Variants in CAPZB observed in about 807,000 individuals in gnomAD.
CAPZB encodes capping actin protein of muscle Z-line subunit beta.
In CAPZB, 2 loss-of-function variants were observed where a neutral mutation model predicts 38.1. That is an observed-to-expected ratio of 0.05 (90% CI 0.02 to 0.17). The LOEUF (loss-of-function observed/expected upper bound fraction) is 0.17. Among genes scored for constraint, CAPZB ranks in the 10% least tolerant of loss-of-function variants. The pLI is 1.00. For missense variants in CAPZB, 161 were observed against 334.2 expected (o/e 0.48, Z 4.04); for synonymous variants, 107 against 127.4 (o/e 0.84, Z 1.08).
intron 2 of CAPZB, among the ~76,000 whole-genome samples, chr1:19,416,635 G>A (rs1279595635): frequency 1.3e-5 from 2 of 152,034 alleles, no homozygotes; most frequent in African/African-American, 2.4e-5. Context: ...AGGATTGCCT[G>A]AGGTCAGCAG....
In CAPZB at chr1:19,360,286, T is replaced by A. The variant is rs192782745; in HGVS notation, c.330-2723A>T. On this transcript the variant is annotated intron_variant, in intron 4 of 8. Coordinates refer to ENST00000264202, the MANE Select transcript of CAPZB (RefSeq NM_004930.5). ...TCTAGCACACCGTTTTCCCTTTCAG[T>A]CGGCTTACAGGGAGAGCAGCCCCAC... 3.1e-3 allele frequency among the ~76,000 whole-genome samples: 468 copies of A among 152,292 alleles called. 2 individuals carry two copies. Among genetic ancestry groups the A allele is most frequent in the South Asian group, 0.026 (125 of 4,830 alleles).
At chr1:19,482,048 C>T (rs2094631108) in intron 1 of CAPZB, among the ~76,000 whole-genome samples, 1 of 152,200 alleles carries the variant, frequency 6.6e-6, no homozygotes, top group Non-Finnish European at 1.5e-5. Context: ...ATAAGCATTT[C>T]CCAGCCTGGA....
intron 1 of CAPZB, among the ~76,000 whole-genome samples, chr1:19,426,225 A>G (rs758531614): frequency 1.8e-4 from 27 of 152,326 alleles, no homozygotes; most frequent in Non-Finnish European, 3.5e-4. Context: ...GCTCCTGTCC[A>G]GTTTATAGGT....
chr1:19,459,457 G>A (rs952018526), intron 1 of CAPZB, among the ~76,000 whole-genome samples: 1 of 152,180 alleles, frequency 6.6e-6, no homozygotes, highest in Non-Finnish European at 1.5e-5. Flanking sequence ...AGAGAAAATA[G>A]GAGACCTGCT....
At chr1:19,471,253 G>C (rs1014609207) in intron 1 of CAPZB, among the ~76,000 whole-genome samples, 6 of 152,160 alleles carry the variant, frequency 3.9e-5, no homozygotes, top group Admixed American at 3.3e-4. Flanking sequence ...TATGGAAAAA[G>C]GGGGGATGAT....
At chr1:19,478,735 T>C (rs530654681) in intron 1 of CAPZB, among the ~76,000 whole-genome samples, 1 of 152,130 alleles carries the variant, frequency 6.6e-6, no homozygotes, top group Non-Finnish European at 1.5e-5. Context: ...TTCTATTAGG[T>C]CTACCTGACT....
At chr1:19,378,921 CTT>C (rs1176806123) in intron 3 of CAPZB, among the ~76,000 whole-genome samples, 8 of 152,160 alleles carry the variant, frequency 5.3e-5, no homozygotes, top group Non-Finnish European at 1.0e-4. Context: ...CTGAGCCTCA[CTT>C]TTCTCCTGCG....
intron 1 of CAPZB, among the ~76,000 whole-genome samples, chr1:19,481,295 T>C (rs1375047476): frequency 6.6e-6 from 1 of 152,164 alleles, no homozygotes; most frequent in Non-Finnish European, 1.5e-5. Context: ...CCAATATGGG[T>C]GATCTTGCAG....
At chr1:19,390,572 C>T (rs2094228023) in intron 2 of CAPZB, among the ~76,000 whole-genome samples, 1 of 152,178 alleles carries the variant, frequency 6.6e-6, no homozygotes, top group Non-Finnish European at 1.5e-5. Flanking sequence ...CAGGGCTCCA[C>T]CAGTTCCTCT....
chr1:19,361,445 G>T (rs2094052090), intron 4 of CAPZB, among the ~76,000 whole-genome samples: 1 of 152,246 alleles, frequency 6.6e-6, no homozygotes, highest in African/African-American at 2.4e-5. Context: ...AGGACTGCAT[G>T]GTTAGAAAGG....
chr1:19,465,653 GC>G (rs1225301790), intron 1 of CAPZB, among the ~76,000 whole-genome samples: 1 of 152,144 alleles, frequency 6.6e-6, no homozygotes, highest in African/African-American at 2.4e-5. Context: ...AGGGATATAG[GC>G]ACCAAAAGCT....
chr1:19,344,366 A>G lies in CAPZB; in HGVS notation c.723T>C (p.Asn241=), dbSNP rs746466989. Residue 241 remains asparagine, a synonymous_variant, in exon 8 of 9, where the codon AAT becomes AAC. Transcript: ENST00000264202. ...IYFGKTKDIV[N]GLRSVQTFAD... is the part of the protein sequence containing the mutation. ...GCTTTCTGGTACATTACCTCAGCCC[A>G]TTGACGATATCCTTTGTTTTTCCAA... The G allele has an allele frequency of 1.3e-5, 21 of 1,612,370 alleles. No individual in the cohort carries two copies. The highest frequency in any genetic ancestry group is 1.5e-5 in the Non-Finnish European group (18 of 1,178,492).
rs1558189927 is a variant in CAPZB at position 19,366,311 on chromosome 1, A to ATATATATATATATAT, written c.330-8749_330-8748insATATATATATATATA. ...ATATATATATATATATATATATATA[A>ATATATATATATATAT]ATAAAATAAATGGTCATGAGGGACA... On this transcript the variant is annotated intron_variant, in intron 4 of 8. Coordinates refer to ENST00000264202, the MANE Select transcript of CAPZB (RefSeq NM_004930.5). Among the ~76,000 whole-genome samples, 277 of 63,082 alleles carry ATATATATATATATAT rather than the reference A, an allele frequency of 4.4e-3. 13 individuals carry two copies. Among genetic ancestry groups the ATATATATATATATAT allele is most frequent in the African/African-American group, 0.014 (211 of 15,322 alleles). 41.4% of individuals were successfully genotyped at this position (63,082 alleles called of 152,430 possible). A position where few individuals can be genotyped will look rare whatever the true frequency, so the allele number is the denominator to read the frequency against.
chr1:19,449,316 C>T (rs1570303410), intron 1 of CAPZB: 11 of 1,036,242 alleles, frequency 1.1e-5, no homozygotes, highest in East Asian at 7.7e-5. Flanking sequence ...ATGCGAGTCA[C>T]GGTCAGGCAT....
At chr1:19,391,761 T>C (rs2094236767) in intron 2 of CAPZB, among the ~76,000 whole-genome samples, 1 of 152,124 alleles carries the variant, frequency 6.6e-6, no homozygotes, top group Admixed American at 6.5e-5. Context: ...AAGGAGAAAT[T>C]CACACTGTTC....
At chr1:19,421,321 A>C (rs2094400269) in intron 1 of CAPZB, among the ~76,000 whole-genome samples, 1 of 152,258 alleles carries the variant, frequency 6.6e-6, no homozygotes, top group African/African-American at 2.4e-5. Context: ...ATAACACATT[A>C]TTAAGGAGAG....
intron 1 of CAPZB, among the ~76,000 whole-genome samples, chr1:19,464,890 G>A (rs1191946017): frequency 6.6e-6 from 1 of 152,136 alleles, no homozygotes; most frequent in East Asian, 1.9e-4. Context: ...GAACAAGGCT[G>A]TCTAGGAGGG....
chr1:19,422,304 C>T (rs1017888206), intron 1 of CAPZB, among the ~76,000 whole-genome samples: 2 of 152,086 alleles, frequency 1.3e-5, no homozygotes, highest in Non-Finnish European at 2.9e-5. Context: ...TACACAGCCT[C>T]CCCACAACAA....
At chr1:19,403,917 C>G (rs1439400867) in intron 2 of CAPZB, among the ~76,000 whole-genome samples, 1 of 152,166 alleles carries the variant, frequency 6.6e-6, no homozygotes, top group South Asian at 2.1e-4. Context: ...AGCCGCAGTT[C>G]CTCCCTGTCA....
Sources: allele counts gnomAD v4.1 joint callset (sites outside exome capture counted in the v4.1 genomes callset), GRCh38; gene constraint gnomAD v4.1.1; transcripts MANE v1.5; gene names NCBI Gene and HGNC (gene_info 2026-07-23, HGNC 2026-07-21).